DYNC2I2: variants seen among roughly 807,000 people sequenced by gnomAD.
DYNC2I2 encodes the protein dynein 2 intermediate chain 2, also known as cytoplasmic dynein 2 intermediate chain 2.
DYNC2I2 carries 39 observed loss-of-function variants against 52.0 expected under a neutral mutation model. The observed-to-expected ratio is 0.75, with a 90% confidence interval of 0.58 to 0.98. The LOEUF (loss-of-function observed/expected upper bound fraction) is 0.98, where lower values mean the gene tolerates loss of function less well. Ranked by LOEUF, DYNC2I2 falls within the 50% of genes least tolerant of loss-of-function variation. The pLI is 0.00. For missense variants in DYNC2I2, 743 were observed against 728.4 expected, an observed-to-expected ratio of 1.02 and a Z score of -0.23; for synonymous variants, 359 against 321.1, an observed-to-expected ratio of 1.12 and a Z score of -1.26.
At chr9:128,677,745 T>C in the DYNC2I2 span, among the ~76,000 whole-genome samples, 1 of 152,046 alleles carries the variant, frequency 6.6e-6, no homozygotes, top group East Asian at 1.9e-4. Context: ...AGGCAGAAGG[T>C]TGCAGTGAGC....
At chr9:128,644,025 C>A (rs1176928408) in intron 1 of DYNC2I2, among the ~76,000 whole-genome samples, 1 of 152,094 alleles carries the variant, frequency 6.6e-6, no homozygotes, top group African/African-American at 2.4e-5. Context: ...ATGTGCCGAG[C>A]CAAGATGCAA....
intron 1 of DYNC2I2, among the ~76,000 whole-genome samples, chr9:128,642,738 G>C (rs1409695332): frequency 6.6e-6 from 1 of 152,082 alleles, no homozygotes; most frequent in Non-Finnish European, 1.5e-5. Flanking sequence ...CCGGGTGACA[G>C]AGCGAGACTC....
chr9:128,669,658 T>C, the DYNC2I2 span, among the ~76,000 whole-genome samples: 1 of 152,074 alleles, frequency 6.6e-6, no homozygotes, highest in African/African-American at 2.4e-5. Flanking sequence ...CATCGCACTA[T>C]TGCACGCCAT....
intron 7 of DYNC2I2, 138 bp from the exon 8 acceptor site, chr9:128,634,521 CATT>C (rs1310427200): frequency 2.2e-6 from 3 of 1,340,206 alleles, no homozygotes; most frequent in Admixed American, 5.5e-5. Flanking sequence ...TTGGTCCTCT[CATT>C]AGAGAAGGGA....
chr9:128,641,681 G>A (rs1266254861), intron 1 of DYNC2I2, among the ~76,000 whole-genome samples: 3 of 152,126 alleles, frequency 2.0e-5, no homozygotes, highest in Non-Finnish European at 2.9e-5. Flanking sequence ...CTGCTCAAGG[G>A]ACAATGACAA....
upstream of DYNC2I2, among the ~76,000 whole-genome samples, chr9:128,657,430 C>G (rs1489993266): frequency 6.6e-6 from 1 of 151,982 alleles, no homozygotes; most frequent in East Asian, 1.9e-4. Flanking sequence ...TATATTATGT[C>G]GTTCTGCCAT....
the DYNC2I2 span, chr9:128,663,262 G>C: frequency 6.6e-6 from 1 of 152,092 alleles, no homozygotes; most frequent in Non-Finnish European, 1.5e-5. Context: ...CATTACAGTG[G>C]AACAACGTGG....
the DYNC2I2 span, among the ~76,000 whole-genome samples, chr9:128,664,243 C>T: frequency 5.9e-4 from 89 of 150,652 alleles, no homozygotes; most frequent in Admixed American, 9.2e-4. Context: ...TGAGCCACCA[C>T]GCCCAGCCTG....
chr9:128,657,060 C>CGGCCGT (rs1860844783), upstream of DYNC2I2, among the ~76,000 whole-genome samples: 1 of 152,192 alleles, frequency 6.6e-6, no homozygotes, highest in Admixed American at 6.5e-5. Flanking sequence ...CGGCAGCCTG[C>CGGCCGT]GGCCGTGGCC....
chr9:128,682,715 G>A, the DYNC2I2 span, among the ~76,000 whole-genome samples: 145 of 134,854 alleles, frequency 1.1e-3, 1 homozygote, highest in Middle Eastern at 8.7e-3. Context: ...TCGCTCTGTC[G>A]CCCAGGCTGG....
At chr9:128,637,497 C>T (rs917497505) in intron 2 of DYNC2I2, among the ~76,000 whole-genome samples, 3 of 152,186 alleles carry the variant, frequency 2.0e-5, no homozygotes, top group African/African-American at 7.2e-5. Context: ...GGCTGGAGTG[C>T]AATGGTGCAG....
At chr9:128,636,459 GC>G (rs754036118) in intron 3 of DYNC2I2, 21 bp from the exon 4 acceptor site, 2 of 1,584,158 alleles carry the variant, frequency 1.3e-6, no homozygotes, top group South Asian at 2.3e-5. Context: ...ACAGGCTTGA[GC>G]CGGCTGTGCC....
the DYNC2I2 span, among the ~76,000 whole-genome samples, chr9:128,668,135 A>G: frequency 1.3e-5 from 2 of 151,256 alleles, no homozygotes; most frequent in African/African-American, 2.4e-5. Flanking sequence ...TAATTTTTGT[A>G]CTTTTAATAG....
upstream of DYNC2I2, among the ~76,000 whole-genome samples, chr9:128,660,798 CGGCTCA>C (rs1860908819): frequency 6.6e-6 from 1 of 151,890 alleles, no homozygotes; most frequent in Non-Finnish European, 1.5e-5. Flanking sequence ...GGCACAATCT[CGGCTCA>C]TTGCAACCTT....
intron 1 of DYNC2I2, among the ~76,000 whole-genome samples, chr9:128,645,994 A>G (rs1860610528): frequency 6.6e-6 from 1 of 152,194 alleles, no homozygotes; most frequent in South Asian, 2.1e-4. Context: ...CTTCAACTCC[A>G]TGAAGGCTGA....
In DYNC2I2 at chr9:128,635,649, T is replaced by A; in HGVS notation, c.813+9A>T. On this transcript the variant is annotated intron_variant, in intron 5 of 8. Transcript: ENST00000372715. ...AGGGCCCACCCCGCCCGGCAGCCCCTGCCCTGACCTGGGACACAGGGTCTG... is the reference window on the plus strand; with the variant it reads ...AGGGCCCACCCCGCCCGGCAGCCCCAGCCCTGACCTGGGACACAGGGTCTG... 1.3e-6 allele frequency: 2 copies of A among 1,597,200 alleles called. No individual in the cohort carries two copies. The highest frequency in any genetic ancestry group is 2.3e-5 in the South Asian group (2 of 88,674).
At chr9:128,648,265 G>C (rs71499405) in intron 1 of DYNC2I2, among the ~76,000 whole-genome samples, 1,852 of 151,342 alleles carry the variant, frequency 0.012, 16 homozygotes, top group Admixed American at 0.019. Context: ...AAATTAGTCA[G>C]GTATGGTGGC....
At chr9:128,647,732 A>C (rs1860642725) in intron 1 of DYNC2I2, among the ~76,000 whole-genome samples, 1 of 5,734 alleles carries the variant, frequency 1.7e-4, no homozygotes, top group African/African-American at 3.1e-4. Flanking sequence ...ACTCCATCTC[A>C]AAAAAAAAAA....
the DYNC2I2 span, among the ~76,000 whole-genome samples, chr9:128,670,557 G>A: frequency 1.3e-5 from 2 of 151,120 alleles, no homozygotes; most frequent in African/African-American, 4.9e-5. Flanking sequence ...CCAACATGGT[G>A]AAACTCCATC....
Sources: allele counts gnomAD v4.1 joint callset (sites outside exome capture counted in the v4.1 genomes callset), GRCh38; gene constraint gnomAD v4.1.1; transcripts MANE v1.5; gene names NCBI Gene and HGNC (gene_info 2026-07-23, HGNC 2026-07-21).